The following ARB2A variants were observed in gnomAD, a reference collection of about 807,000 sequenced individuals.
ARB2A encodes cotranscriptional regulator ARB2A.
chr5:93,868,036 G>C, the ARB2A span, among the ~76,000 whole-genome samples: 1 of 152,124 alleles, frequency 6.6e-6, no homozygotes. Context: ...ATACAACTGA[G>C]ATGCTGGGCA....
the ARB2A span, among the ~76,000 whole-genome samples, chr5:93,947,125 T>C: frequency 2.4e-4 from 36 of 152,346 alleles, no homozygotes; most frequent in Middle Eastern, 0.01. Context: ...TTTCTTCATA[T>C]AATCTGTAGT....
the ARB2A span, among the ~76,000 whole-genome samples, chr5:93,778,955 T>A: frequency 6.6e-6 from 1 of 152,174 alleles, no homozygotes; most frequent in African/African-American, 2.4e-5. Context: ...TCTAGCCACA[T>A]GTTTAAGGCT....
chr5:93,989,995 G>A, the ARB2A span, among the ~76,000 whole-genome samples: 51 of 151,912 alleles, frequency 3.4e-4, no homozygotes, highest in African/African-American at 1.2e-3. Flanking sequence ...ATTTTTATTA[G>A]AATAATCAAG....
At chr5:93,665,607 C>T in the ARB2A span, among the ~76,000 whole-genome samples, 1 of 152,124 alleles carries the variant, frequency 6.6e-6, no homozygotes, top group Non-Finnish European at 1.5e-5. Context: ...AGAATGTGAG[C>T]TGATAAAACA....
the ARB2A span, among the ~76,000 whole-genome samples, chr5:93,623,646 T>C: frequency 6.6e-6 from 1 of 152,272 alleles, no homozygotes; most frequent in African/African-American, 2.4e-5. Flanking sequence ...CTGAGATAAC[T>C]GAATACTTGT....
chr5:93,988,234 TG>T, the ARB2A span, among the ~76,000 whole-genome samples: 3 of 152,212 alleles, frequency 2.0e-5, no homozygotes, highest in Non-Finnish European at 2.9e-5. Flanking sequence ...TCTTAGCAGA[TG>T]TATTACTCCT....
chr5:93,746,231 T>C, the ARB2A span, among the ~76,000 whole-genome samples: 3 of 152,230 alleles, frequency 2.0e-5, no homozygotes, highest in Non-Finnish European at 4.4e-5. Flanking sequence ...AGAACATTTA[T>C]GTTGTAATAA....
chr5:94,035,453 G>T, the ARB2A span, among the ~76,000 whole-genome samples: 120 of 151,748 alleles, frequency 7.9e-4, 3 homozygotes, highest in East Asian at 0.017. Flanking sequence ...ATATTTATTT[G>T]CTTTAATATA....
chr5:93,728,981 T>C, the ARB2A span, among the ~76,000 whole-genome samples: 4 of 152,290 alleles, frequency 2.6e-5, no homozygotes, highest in South Asian at 2.1e-4. Flanking sequence ...TTTTTGGCTA[T>C]GGCTGTATTT....
At chr5:93,698,105 A>G in the ARB2A span, among the ~76,000 whole-genome samples, 1 of 152,238 alleles carries the variant, frequency 6.6e-6, no homozygotes, top group African/African-American at 2.4e-5. Flanking sequence ...AGGTTGAAGT[A>G]TGTACCTTTA....
chr5:94,099,487 G>A, the ARB2A span, among the ~76,000 whole-genome samples: 25 of 151,772 alleles, frequency 1.6e-4, no homozygotes, highest in African/African-American at 2.4e-5. Flanking sequence ...AGCCGGGCAT[G>A]GTGGTGGGCG....
chr5:93,772,929 C>T, the ARB2A span, among the ~76,000 whole-genome samples: 29 of 152,240 alleles, frequency 1.9e-4, no homozygotes, highest in Non-Finnish European at 3.7e-4. Flanking sequence ...GCAGGCTTGA[C>T]AGAATGCTGG....
the ARB2A span, among the ~76,000 whole-genome samples, chr5:94,099,200 T>C: frequency 6.6e-6 from 1 of 152,132 alleles, no homozygotes; most frequent in African/African-American, 2.4e-5. Flanking sequence ...GCCAATATCT[T>C]TGATGAACAT....
chr5:93,762,698 G>A, the ARB2A span, among the ~76,000 whole-genome samples: 1 of 152,104 alleles, frequency 6.6e-6, no homozygotes, highest in Non-Finnish European at 1.5e-5. Flanking sequence ...GAAATACAGA[G>A]AACGCCACAA....
the ARB2A span, among the ~76,000 whole-genome samples, chr5:93,816,867 C>A: frequency 1.3e-5 from 2 of 152,110 alleles, no homozygotes; most frequent in African/African-American, 4.8e-5. Context: ...AAATACCGAA[C>A]AATTTCCTCT....
At chr5:93,622,937 C>A in the ARB2A span, among the ~76,000 whole-genome samples, 20 of 152,084 alleles carry the variant, frequency 1.3e-4, no homozygotes, top group African/African-American at 4.8e-4. Context: ...CTGATTTATT[C>A]AAATGACAAT....
At chr5:93,830,052 ATAT>A in the ARB2A span, among the ~76,000 whole-genome samples, 1 of 152,000 alleles carries the variant, frequency 6.6e-6, no homozygotes, top group Non-Finnish European at 1.5e-5. Flanking sequence ...GTGAAGAAAG[ATAT>A]TATCAGTAAT....
the ARB2A span, among the ~76,000 whole-genome samples, chr5:93,772,362 C>T: frequency 1.3e-5 from 2 of 151,752 alleles, no homozygotes; most frequent in Admixed American, 1.3e-4. Context: ...TGCTAAATGA[C>T]GAGTTAATGG....
the ARB2A span, among the ~76,000 whole-genome samples, chr5:93,877,310 A>G: frequency 3.3e-5 from 5 of 152,156 alleles, no homozygotes; most frequent in African/African-American, 1.2e-4. Context: ...CTAAAATTCT[A>G]TTAACTGACC....
Sources: gnomAD v4.1 joint callset for allele counts (sites outside exome capture counted in the v4.1 genomes callset) on GRCh38, gnomAD v4.1.1 for gene constraint, MANE v1.5 for transcripts, NCBI Gene and HGNC (gene_info 2026-07-23, HGNC 2026-07-21) for gene names.